The following GMDS variants were observed in gnomAD, a reference collection of about 807,000 sequenced individuals.
The protein encoded by GMDS is GDP-mannose 4,6 dehydratase.
A neutral mutation model predicts 49.9 loss-of-function variants in GMDS; 20 were observed. The observed-to-expected ratio is 0.40, with a 90% CI of 0.28 to 0.58. The LOEUF (loss-of-function observed/expected upper bound fraction) is 0.58. Among genes scored for constraint, GMDS ranks in the 20% least tolerant of loss-of-function variants. GMDS has a pLI of 0.42. For synonymous variants in GMDS, 177 were observed against 178.6 expected, an observed-to-expected ratio of 0.99 and a Z score of 0.07; for missense variants, 362 against 481.4, an observed-to-expected ratio of 0.75 and a Z score of 2.32.
intron 4 of GMDS, among the ~76,000 whole-genome samples, chr6:2,072,181 T>C (rs150558634): frequency 2.2e-3 from 337 of 152,322 alleles, no homozygotes; most frequent in African/African-American, 7.8e-3. Context: ...GTAGGAAATG[T>C]ATGCCTTAGA....
intron 4 of GMDS, among the ~76,000 whole-genome samples, chr6:2,007,496 G>T (rs184745163): frequency 2.6e-5 from 4 of 151,840 alleles, no homozygotes; most frequent in Non-Finnish European, 5.9e-5. Context: ...CTTTTATAAC[G>T]AAAAATTCTG....
At chr6:1,819,091 C>CAA (rs1450621122) in intron 7 of GMDS, among the ~76,000 whole-genome samples, 1 of 152,046 alleles carries the variant, frequency 6.6e-6, no homozygotes, top group Non-Finnish European at 1.5e-5. Flanking sequence ...ATGCTACTGA[C>CAA]AGACTGCAAT....
chr6:1,968,990 G>A lies in GMDS; in HGVS notation c.346-8024C>T, dbSNP rs1290269545. On this transcript the variant is annotated intron_variant, in intron 4 of 10. Coordinates refer to ENST00000380815, the MANE Select transcript of GMDS (RefSeq NM_001500.4). Reference sequence around the variant, plus strand: ...TATTTATAAGAAATTGGCCTGGTGCGGTGGCTCACACCTGTAATCCCAGCA... The same window carrying A: ...TATTTATAAGAAATTGGCCTGGTGCAGTGGCTCACACCTGTAATCCCAGCA... Among the ~76,000 whole-genome samples, 7 of 151,654 alleles carry A rather than the reference G, an allele frequency of 4.6e-5. No homozygotes were observed. The East Asian group carries it at 5.8e-4, about 13-fold the overall frequency.
At chr6:1,917,951 A>C (rs559721953) in intron 7 of GMDS, among the ~76,000 whole-genome samples, 6 of 152,194 alleles carry the variant, frequency 3.9e-5, no homozygotes, top group Non-Finnish European at 8.8e-5. Flanking sequence ...AGGGACAGAA[A>C]ATGGTACTGC....
At position 1,873,492 on chromosome 6, in the gene GMDS, G is replaced by A. The variant is rs1042886410; in HGVS notation, c.771+56611C>T. 1.4e-4 allele frequency among the ~76,000 whole-genome samples: 22 copies of A among 152,100 alleles called. 1 individual carries two copies. Among genetic ancestry groups the A allele is most frequent in the Admixed American group, 1.4e-3 (22 of 15,274 alleles). Reference sequence around the variant, plus strand: ...CCTATATTGGGGCCACTTTTTCCCTGGAAACAGGGCACACAACAAGCTTAG... The same window carrying A: ...CCTATATTGGGGCCACTTTTTCCCTAGAAACAGGGCACACAACAAGCTTAG... On this transcript the variant is annotated intron_variant, in intron 7 of 10. Transcript: ENST00000380815.
intron 4 of GMDS, among the ~76,000 whole-genome samples, chr6:2,079,159 T>G (rs1336557402): frequency 1.3e-5 from 2 of 151,246 alleles, no homozygotes; most frequent in African/African-American, 4.8e-5. Flanking sequence ...TTAGTCTACA[T>G]GTGCCATTAT....
At chr6:1,938,441 A>C (rs1025166176) in intron 6 of GMDS, among the ~76,000 whole-genome samples, 1 of 152,242 alleles carries the variant, frequency 6.6e-6, no homozygotes, top group Non-Finnish European at 1.5e-5. Context: ...CTAAGTGCAC[A>C]GTTCAAGGTT....
chr6:2,001,435 G>C (rs1345599417), intron 4 of GMDS, among the ~76,000 whole-genome samples: 1 of 152,082 alleles, frequency 6.6e-6, no homozygotes, highest in Non-Finnish European at 1.5e-5. Flanking sequence ...CATTCTGTGG[G>C]TTGCCATTCT....
chr6:2,116,074 G>A (rs2127499927), intron 3 of GMDS, among the ~76,000 whole-genome samples, 194 bp from the exon 4 acceptor site: 1 of 152,234 alleles, frequency 6.6e-6, no homozygotes. Flanking sequence ...GCTACATAAT[G>A]CCTATGTCTG....
intron 7 of GMDS, among the ~76,000 whole-genome samples, chr6:1,822,612 A>C (rs1442504047): frequency 6.6e-6 from 1 of 152,252 alleles, no homozygotes; most frequent in Non-Finnish European, 1.5e-5. Flanking sequence ...AATAGATGAC[A>C]AAGATGAAAA....
At chr6:1,747,490 G>GCACA (rs1178016445) in intron 7 of GMDS, among the ~76,000 whole-genome samples, 35 of 118,896 alleles carry the variant, frequency 2.9e-4, no homozygotes, top group African/African-American at 7.3e-4. Context: ...GCGTGTGCGC[G>GCACA]CACACACACA....
chr6:2,243,563 T>C (rs760534839), intron 1 of GMDS, among the ~76,000 whole-genome samples: 1 of 152,116 alleles, frequency 6.6e-6, no homozygotes, highest in Non-Finnish European at 1.5e-5. Context: ...TGCAGAAAGG[T>C]CCCAGCATTA....
intron 9 of GMDS, among the ~76,000 whole-genome samples, chr6:1,668,894 A>G (rs1240298994): frequency 6.6e-6 from 1 of 152,248 alleles, no homozygotes; most frequent in East Asian, 1.9e-4. Flanking sequence ...AAATCAGAGA[A>G]GTACCAAGGT....
chr6:1,901,056 C>A (rs1017363435), intron 7 of GMDS, among the ~76,000 whole-genome samples: 1 of 152,204 alleles, frequency 6.6e-6, no homozygotes, highest in Non-Finnish European at 1.5e-5. Context: ...CGTCAGAGAA[C>A]GGCGAAGCGC....
chr6:2,032,880 T>C (rs1025932461), intron 4 of GMDS, among the ~76,000 whole-genome samples: 4 of 152,204 alleles, frequency 2.6e-5, no homozygotes, highest in Non-Finnish European at 5.9e-5. Context: ...TGATTTGCCA[T>C]GTAACTTACT....
chr6:1,700,982 C>T (rs1765524270), intron 9 of GMDS, among the ~76,000 whole-genome samples: 1 of 152,188 alleles, frequency 6.6e-6, no homozygotes, highest in Non-Finnish European at 1.5e-5. Flanking sequence ...CCCAGGAAGC[C>T]AGCTCAGGCT....
intron 6 of GMDS, among the ~76,000 whole-genome samples, chr6:1,936,790 AAC>A (rs1424725730): frequency 1.3e-5 from 2 of 152,026 alleles, no homozygotes; most frequent in African/African-American, 4.8e-5. Context: ...AACGTGGTAA[AAC>A]CTCATCTCTA....
At chr6:1,987,986 C>T (rs1373502919) in intron 4 of GMDS, among the ~76,000 whole-genome samples, 1 of 152,180 alleles carries the variant, frequency 6.6e-6, no homozygotes, top group African/African-American at 2.4e-5. Context: ...CTGGGATTAA[C>T]ACCAAGGAAA....
intron 7 of GMDS, among the ~76,000 whole-genome samples, chr6:1,886,261 T>C (rs1252400978): frequency 1.3e-5 from 2 of 152,192 alleles, no homozygotes; most frequent in Admixed American, 6.5e-5. Context: ...TCTTTCTCAG[T>C]TGTGTAATTC....
Sources: gnomAD v4.1 joint callset for allele counts (sites outside exome capture counted in the v4.1 genomes callset) on GRCh38, gnomAD v4.1.1 for gene constraint, MANE v1.5 for transcripts, NCBI Gene and HGNC (gene_info 2026-07-23, HGNC 2026-07-21) for gene names.